The following CCDC150 variants were observed in gnomAD, a reference collection of about 807,000 sequenced individuals.
CCDC150 encodes the protein coiled-coil domain-containing protein 150.
CCDC150 carries 151 observed loss-of-function variants against 156.5 expected under a neutral mutation model. The observed-to-expected ratio is 0.97, with a 90% CI of 0.85 to 1.10. CCDC150 has a LOEUF of 1.10. CCDC150 is among the 50% of genes least tolerant of loss of function. The pLI, the probability that CCDC150 is intolerant of heterozygous loss-of-function variation, is 0.00. For synonymous variants in CCDC150, 452 were observed against 429.4 expected, an observed-to-expected ratio of 1.05 and a Z score of -0.65; for missense variants, 1,312 against 1,268.1, an observed-to-expected ratio of 1.03 and a Z score of -0.53.
At chr2:196,689,762 G>T (rs2125641380) in intron 13 of CCDC150, among the ~76,000 whole-genome samples, 1 of 152,098 alleles carries the variant, frequency 6.6e-6, no homozygotes, top group East Asian at 1.9e-4. Context: ...AATTGCCCTG[G>T]CCAGAACTTC....
In CCDC150 at chr2:196,720,615, G is replaced by A; in HGVS notation, c.2206G>A (p.Val736Met). ...QQRVQKLEAE[V>M]DQWQARMLVM... is the part of the protein sequence containing the mutation. ...GAGGGTGCAGAAGCTGGAAGCTGAA[G>A]TGGACCAGTGGCAGGCCAGGATGCT... Residue 736 changes from valine to methionine, a missense_variant, in exon 20 of 28, where the codon GTG (valine) becomes ATG (methionine). Coordinates refer to ENST00000389175, the MANE Select transcript of CCDC150 (RefSeq NM_001080539.2). The A allele has an allele frequency of 6.2e-7, 1 of 1,613,934 alleles. No individual in the cohort carries two copies. The highest frequency in any genetic ancestry group is 8.5e-7 in the Non-Finnish European group (1 of 1,179,860).
chr2:196,658,881 G>A, intron 5 of CCDC150, 21 bp downstream of exon 5: 2 of 1,542,154 alleles, frequency 1.3e-6, no homozygotes, highest in African/African-American at 1.4e-5. Flanking sequence ...AAGATGGAGG[G>A]TGGAGGAGGT....
intron 10 of CCDC150, among the ~76,000 whole-genome samples, chr2:196,675,040 G>A (rs765284769): frequency 6.6e-6 from 1 of 152,252 alleles, no homozygotes. Flanking sequence ...AAGAGGTAGA[G>A]TTGTGTTTTA....
At chr2:196,671,127 A>G (rs1479345216) in intron 8 of CCDC150, among the ~76,000 whole-genome samples, 1 of 152,220 alleles carries the variant, frequency 6.6e-6, no homozygotes, top group Non-Finnish European at 1.5e-5. Flanking sequence ...ATTTAAAGAA[A>G]TGTATAATGA....
intron 5 of CCDC150, among the ~76,000 whole-genome samples, chr2:196,664,173 T>A (rs1693711931): frequency 6.6e-6 from 1 of 152,176 alleles, no homozygotes; most frequent in African/African-American, 2.4e-5. Flanking sequence ...GAAATTCTGT[T>A]CTTCAGTGGA....
intron 13 of CCDC150, among the ~76,000 whole-genome samples, chr2:196,678,836 G>T (rs1171868559): frequency 6.6e-6 from 1 of 152,164 alleles, no homozygotes; most frequent in African/African-American, 2.4e-5. Flanking sequence ...AACCTCGTAG[G>T]TGGAGGTTGC....
chr2:196,646,179 G>C (rs1016515882), intron 1 of CCDC150, among the ~76,000 whole-genome samples, 162 bp from the exon 2 acceptor site: 6 of 152,164 alleles, frequency 3.9e-5, no homozygotes, highest in African/African-American at 1.4e-4. Flanking sequence ...AGAACAAGCT[G>C]GCTCTTATAA....
intron 13 of CCDC150, among the ~76,000 whole-genome samples, chr2:196,693,285 C>T (rs968498811): frequency 6.6e-6 from 1 of 152,100 alleles, no homozygotes; most frequent in African/African-American, 2.4e-5. Context: ...CAACACATGT[C>T]GGTAAATGAA....
chr2:196,689,515 T>TG, intron 13 of CCDC150, among the ~76,000 whole-genome samples: 1 of 152,234 alleles, frequency 6.6e-6, no homozygotes, highest in Non-Finnish European at 1.5e-5. Flanking sequence ...CAATTGTGAA[T>TG]GGGAGTTCAG....
intron 17 of CCDC150, among the ~76,000 whole-genome samples, chr2:196,716,887 C>T (rs1056414507): frequency 6.0e-5 from 7 of 116,424 alleles, no homozygotes; most frequent in Non-Finnish European, 8.1e-5. Context: ...CAGAGAGTCT[C>T]GCTGTGTCGC....
At position 196,676,214 on chromosome 2, in the gene CCDC150, C is replaced by T. The variant is rs760976525; in HGVS notation, c.1209C>T (p.Ile403=). ...TGCTGGATGCAGCCCATGCCAGTAT[C>T]ACAAATGAACTACAGACTGTTCAGA... is the stretch of plus-strand genomic sequence containing the variant. ...NLLLDAAHAS[I]TNELQTVQNE... The change falls in exon 11 of 28, where the codon ATC becomes ATT. Residue 403 remains isoleucine (I), a synonymous_variant. Transcript: ENST00000389175. The T allele has an allele frequency of 2.0e-5, 33 of 1,613,486 alleles. No individual in the cohort carries two copies. The highest frequency in any genetic ancestry group is 2.6e-5 in the Non-Finnish European group (31 of 1,179,608).
intron 1 of CCDC150, among the ~76,000 whole-genome samples, chr2:196,642,180 A>G (rs75434339): frequency 1.6e-4 from 25 of 152,362 alleles, no homozygotes; most frequent in African/African-American, 5.8e-4. Context: ...CAAGGCAGCA[A>G]TCAATATTTG....
chr2:196,658,922 C>A, intron 5 of CCDC150, 62 bp downstream of exon 5: 1 of 1,160,586 alleles, frequency 8.6e-7, no homozygotes, highest in Non-Finnish European at 1.2e-6. Context: ...ATCAAGAAAG[C>A]AGAGAGAATG....
rs759595694 is a variant in CCDC150, at chr2:196,732,535, G to A, written c.3279G>A (p.Lys1093=). The A allele has an allele frequency of 6.2e-7, 1 of 1,612,002 alleles. No homozygotes were observed. The highest frequency in any genetic ancestry group is 8.5e-7 in the Non-Finnish European group (1 of 1,178,152). ...RKQNLRPMPK[K]YHSEVQRK ...AGAATCTTAGGCCCATGCCCAAGAAGTATCATTCTGAGGTACAGAGGAAGT... is the reference window on the plus strand; with the variant it reads ...AGAATCTTAGGCCCATGCCCAAGAAATATCATTCTGAGGTACAGAGGAAGT... Residue 1093 remains lysine (K), a synonymous_variant, in exon 28 of 28, where the codon AAG becomes AAA. Coordinates refer to ENST00000389175, the MANE Select transcript of CCDC150 (RefSeq NM_001080539.2).
At chr2:196,725,219 A>C (rs1228242764) in intron 21 of CCDC150, among the ~76,000 whole-genome samples, 1 of 152,184 alleles carries the variant, frequency 6.6e-6, no homozygotes, top group African/African-American at 2.4e-5. Context: ...AGAACCAATA[A>C]CTCAAGAGTA....
At chr2:196,641,093 G>A (rs1195687907) in intron 1 of CCDC150, among the ~76,000 whole-genome samples, 1 of 152,108 alleles carries the variant, frequency 6.6e-6, no homozygotes, top group Non-Finnish European at 1.5e-5. Flanking sequence ...CATCCGAGTA[G>A]CTGAAACTAC....
chr2:196,646,131 G>A (rs1160838823), intron 1 of CCDC150, among the ~76,000 whole-genome samples: 1 of 152,168 alleles, frequency 6.6e-6, no homozygotes, highest in Non-Finnish European at 1.5e-5. Flanking sequence ...CTGGGATGTT[G>A]CTCATCTCAT....
intron 4 of CCDC150, 99 bp from the exon 5 acceptor site, chr2:196,658,693 A>G: frequency 1.4e-6 from 1 of 727,372 alleles, no homozygotes; most frequent in Non-Finnish European, 2.3e-6. Context: ...TAGCATTTAT[A>G]GGTTGCCAGA....
intron 17 of CCDC150, among the ~76,000 whole-genome samples, chr2:196,714,773 GT>G (rs1157117668): frequency 6.6e-6 from 1 of 152,036 alleles, no homozygotes; most frequent in Non-Finnish European, 1.5e-5. Context: ...TAAACATCTA[GT>G]GGCATTTTTG....
Sources: allele counts gnomAD v4.1 joint callset (sites outside exome capture counted in the v4.1 genomes callset), GRCh38; gene constraint gnomAD v4.1.1; transcripts MANE v1.5; gene names NCBI Gene and HGNC (gene_info 2026-07-23, HGNC 2026-07-21).